Variants in NFIB observed in about 807,000 individuals in gnomAD.
NFIB encodes the protein nuclear factor I B.
Under a neutral mutation model 61.5 loss-of-function variants are expected in NFIB, and 11 were observed. The ratio of observed to expected loss-of-function variants is 0.18; its 90% CI spans 0.11 to 0.30. The LOEUF (loss-of-function observed/expected upper bound fraction) is 0.30. Among genes scored for constraint, NFIB ranks in the 10% least tolerant of loss-of-function variants. The pLI is 1.00. For synonymous variants in NFIB, 260 were observed against 216.5 expected (o/e 1.20, Z -1.76); for missense variants, 471 against 608.9 (o/e 0.77, Z 2.38).
the NFIB span, among the ~76,000 whole-genome samples, chr9:14,480,035 T>G: frequency 6.6e-6 from 1 of 151,400 alleles, no homozygotes; most frequent in African/African-American, 2.4e-5. Context: ...AAGGTTTTTT[T>G]TTGTTTTGTT....
chr9:14,137,434 G>A (rs1257046813), intron 6 of NFIB, among the ~76,000 whole-genome samples: 3 of 152,196 alleles, frequency 2.0e-5, no homozygotes, highest in African/African-American at 7.2e-5. Flanking sequence ...AAAACTTTCT[G>A]AATTTTCCAA....
the NFIB span, among the ~76,000 whole-genome samples, chr9:14,486,058 C>T: frequency 2.0e-5 from 3 of 152,206 alleles, no homozygotes; most frequent in East Asian, 1.9e-4. Flanking sequence ...ACATGGACCT[C>T]GGGTGTCAAT....
the NFIB span, among the ~76,000 whole-genome samples, chr9:14,457,791 C>T: frequency 3.3e-5 from 5 of 152,158 alleles, no homozygotes; most frequent in African/African-American, 7.2e-5. Flanking sequence ...TTGCTGGACA[C>T]ATACACCCTC....
chr9:14,089,733 A>G (rs2033556759), intron 10 of NFIB, among the ~76,000 whole-genome samples: 1 of 152,192 alleles, frequency 6.6e-6, no homozygotes, highest in South Asian at 2.1e-4. Context: ...GTAGCTATCA[A>G]TCTAGATATG....
intron 1 of NFIB, among the ~76,000 whole-genome samples, chr9:14,324,362 C>T (rs1271392943): frequency 6.6e-6 from 1 of 152,088 alleles, no homozygotes; most frequent in African/African-American, 2.4e-5. Context: ...ACTTGACCAA[C>T]AGAAGAATGA....
the NFIB span, among the ~76,000 whole-genome samples, chr9:14,446,496 T>C: frequency 5.9e-5 from 9 of 152,198 alleles, no homozygotes; most frequent in African/African-American, 2.2e-4. Context: ...AGTTCACAAA[T>C]TTTCTTTTCA....
At chr9:14,282,470 A>C (rs2058435353) in intron 2 of NFIB, among the ~76,000 whole-genome samples, 1 of 152,376 alleles carries the variant, frequency 6.6e-6, no homozygotes, top group African/African-American at 2.4e-5. Flanking sequence ...GTTATATTAC[A>C]CATGGTGGAC....
Position 14,083,971 on chromosome 9 carries a change from G to A in NFIB, c.*4338C>T, listed in dbSNP as rs780840519. The stretch of plus-strand genomic sequence containing the variant: ...GGCCGTATATACTAATAAAAAGACA[G>A]TGGTGCTTCGACATTCTGAAATGCT... On this transcript the variant is annotated 3_prime_UTR_variant, in exon 11 of 11. Coordinates refer to ENST00000380953, the MANE Select transcript of NFIB (RefSeq NM_001190737.2). The A allele has an allele frequency of 2.5e-4, 54 of 219,094 alleles. No individual in the cohort carries two copies. In the Middle Eastern group the frequency reaches 5.4e-3, roughly 22 times the overall value. The allele number at this position is 219,094 out of a possible 1,614,324, so 13.6% of individuals were successfully genotyped here.
At chr9:14,377,360 T>G (rs1277238841) in intron 1 of NFIB, among the ~76,000 whole-genome samples, 2 of 152,128 alleles carry the variant, frequency 1.3e-5, no homozygotes, top group South Asian at 2.1e-4. Context: ...GGACTACAAG[T>G]GCACACCACC....
intron 2 of NFIB, among the ~76,000 whole-genome samples, chr9:14,256,301 C>T (rs1488487525): frequency 6.6e-6 from 1 of 152,148 alleles, no homozygotes; most frequent in African/African-American, 2.4e-5. Flanking sequence ...AACATGGTTA[C>T]AGGGAAACTA....
chr9:14,374,530 G>GA (rs2061394968), intron 1 of NFIB, among the ~76,000 whole-genome samples: 2 of 152,226 alleles, frequency 1.3e-5, no homozygotes, highest in Non-Finnish European at 2.9e-5. Context: ...GTTTACAAAG[G>GA]AGAGAAACTT....
the NFIB span, among the ~76,000 whole-genome samples, chr9:14,498,144 T>C: frequency 2.0e-5 from 3 of 152,216 alleles, no homozygotes; most frequent in Admixed American, 1.3e-4. Flanking sequence ...GAGGAAGAAA[T>C]GACCTTGCCC....
rs761297878 is a variant in NFIB, at chr9:14,307,446, C to T, written c.105G>A (p.Gln35=). Residue 35 remains glutamine, a synonymous_variant, in exon 2 of 11, where the codon CAG becomes CAA. Transcript: ENST00000380953. This position sits in a 1 kb window ranked among gnomAD's most constrained non-coding sequence, Gnocchi z 5.3. ...RAIAYTWFNL[Q]ARKRKYFKKH... ...TTTTAAAGTACTTGCGTTTTCGAGC[C>T]TGCAGGTTGAACCAAGTATAGGCAA... is the stretch of plus-strand genomic sequence containing the variant. 24 of 1,613,758 alleles carry T rather than the reference C, an allele frequency of 1.5e-5. No homozygotes were observed. The East Asian group carries it at 1.6e-4, about 10-fold the overall frequency.
At chr9:14,488,362 CAA>C in the NFIB span, among the ~76,000 whole-genome samples, 130 of 128,286 alleles carry the variant, frequency 1.0e-3, no homozygotes, top group African/African-American at 2.2e-3. Flanking sequence ...GACCTTGTCT[CAA>C]AAAAAAAAAA....
At chr9:14,484,265 T>C in the NFIB span, among the ~76,000 whole-genome samples, 1 of 152,356 alleles carries the variant, frequency 6.6e-6, no homozygotes, top group Middle Eastern at 3.4e-3. Context: ...GCAGCATTCA[T>C]CTTCTAGCTT....
chr9:14,521,831 G>C, the NFIB span, among the ~76,000 whole-genome samples: 14 of 152,196 alleles, frequency 9.2e-5, no homozygotes, highest in African/African-American at 3.4e-4. Context: ...GATGGCTTTG[G>C]CCAAAAGGCT....
chr9:14,452,802 T>C, the NFIB span, among the ~76,000 whole-genome samples: 1 of 152,174 alleles, frequency 6.6e-6, no homozygotes, highest in Non-Finnish European at 1.5e-5. Flanking sequence ...TGTGCCCTGC[T>C]GATGACAGGA....
At chr9:14,102,133 C>G (rs1369426538) in intron 10 of NFIB, among the ~76,000 whole-genome samples, 1 of 152,090 alleles carries the variant, frequency 6.6e-6, no homozygotes, top group Non-Finnish European at 1.5e-5. Flanking sequence ...GTCCTAAAAT[C>G]TAAATGTCAC....
At chr9:14,516,827 G>C in the NFIB span, among the ~76,000 whole-genome samples, 4 of 152,214 alleles carry the variant, frequency 2.6e-5, no homozygotes, top group East Asian at 7.7e-4. Context: ...TAATATTCGT[G>C]ATTAGTTAGT....
Sources: gnomAD v4.1 joint callset for allele counts (sites outside exome capture counted in the v4.1 genomes callset) on GRCh38, gnomAD v4.1.1 for gene constraint, Gnocchi (gnomAD v3.1) non-coding constraint, MANE v1.5 for transcripts, NCBI Gene and HGNC (gene_info 2026-07-23, HGNC 2026-07-21) for gene names.